FBH1: variants seen among roughly 807,000 people sequenced by gnomAD.
FBH1 encodes DNA 3'-5' helicase 1.
In FBH1, 43 loss-of-function variants were observed where a neutral mutation model predicts 115.5. The observed-to-expected ratio is 0.37, with a 90% CI of 0.29 to 0.48. FBH1 has a LOEUF of 0.48. FBH1 is among the 20% of genes least tolerant of loss of function. The pLI, the probability that FBH1 is intolerant of heterozygous loss-of-function variation, is 0.99. For synonymous variants in FBH1, 524 were observed against 507.8 expected (o/e 1.03, Z -0.43); for missense variants, 1,001 against 1,337.3 (o/e 0.75, Z 3.92).
At position 5,936,234 on chromosome 10, in the gene FBH1, T is replaced by C. The variant is rs1281851926; in HGVS notation, c.2830-222T>C. On this transcript the variant is annotated intron_variant, in intron 19 of 20. Coordinates refer to ENST00000362091, the MANE Select transcript of FBH1 (RefSeq NM_178150.3). The surrounding 1 kb of genome is among the most constrained non-coding windows in gnomAD (Gnocchi z 5.6). ...GTTTTGCATGTTTATCTGTTAAATA[T>C]ATATATATTTAAAAAGCAATTGGAC... 2.8e-6 allele frequency: 1 copy of C among 355,154 alleles called. No homozygotes were observed. The highest frequency in any genetic ancestry group is 5.4e-6 in the Non-Finnish European group (1 of 186,840). The allele number at this position is 355,154 out of a possible 1,614,324, so 22.0% of individuals were successfully genotyped here. A position where few individuals can be genotyped will look rare whatever the true frequency, so the allele number is the denominator to read the frequency against.
In FBH1 at chr10:5,909,490, G is replaced by A; in HGVS notation, c.1020+196G>A. 1.8e-6 allele frequency: 1 copy of A among 561,106 alleles called. No homozygotes were observed. The highest frequency in any genetic ancestry group is 2.9e-6 in the Non-Finnish European group (1 of 341,408). The allele number at this position is 561,106 out of a possible 1,614,324, so 34.8% of individuals were successfully genotyped here. A position where few individuals can be genotyped will look rare whatever the true frequency, so the allele number is the denominator to read the frequency against. ...GCCATATAATTGTAGAGTCTTAGAT[G>A]TAGATGAAATTTTAACAAATCATTT... On this transcript the variant is annotated intron_variant, in intron 5 of 20. Coordinates refer to ENST00000362091, the MANE Select transcript of FBH1 (RefSeq NM_178150.3). This position sits in a 1 kb window ranked among gnomAD's most constrained non-coding sequence, Gnocchi z 4.4.
chr10:5,910,934 G>C lies in FBH1; in HGVS notation c.1021-4G>C. ...CCCTCCCTCCCTGTGCACCTGGCTT[G>C]CAGGGTGTCAACATCTGGGCCCTGG... On this transcript the variant is annotated splice_region_variant and splice_polypyrimidine_tract_variant and intron_variant, in intron 5 of 20. Coordinates refer to ENST00000362091, the MANE Select transcript of FBH1 (RefSeq NM_178150.3). This position sits in a 1 kb window ranked among gnomAD's most constrained non-coding sequence, Gnocchi z 4.8. 4 of 1,607,026 alleles carry C rather than the reference G, an allele frequency of 2.5e-6. No homozygotes were observed. The highest frequency in any genetic ancestry group is 3.4e-6 in the Non-Finnish European group (4 of 1,178,384).
In FBH1 at chr10:5,936,149, G is replaced by A. The variant is rs1833326109; in HGVS notation, c.2830-307G>A. The A allele has an allele frequency of 5.0e-6, 1 of 201,796 alleles. No individual in the cohort carries two copies. The highest frequency in any genetic ancestry group is 2.3e-5 in the African/African-American group (1 of 44,148). 12.5% of individuals were successfully genotyped at this position (201,796 alleles called of 1,614,324 possible). A position where few individuals can be genotyped will look rare whatever the true frequency, so the allele number is the denominator to read the frequency against. On this transcript the variant is annotated intron_variant, in intron 19 of 20. Transcript: ENST00000362091. This position sits in a 1 kb window ranked among gnomAD's most constrained non-coding sequence, Gnocchi z 5.6. ...CAATAGTTTTCTGAAGATTGAGCTG[G>A]GGATACCTTAGCATAAAATAAAATC...
Position 5,925,193 on chromosome 10 carries a change from TC to T in FBH1, c.2597-171del. 1 of 758,742 alleles carries T rather than the reference TC, an allele frequency of 1.3e-6. No individual in the cohort carries two copies. The allele number at this position is 758,742 out of a possible 1,614,324, so 47.0% of individuals were successfully genotyped here. ...CCCCTCGTCTTTTTCTTTTTTCTGT[TC>T]CCGACAGTTGTCTGTTCCCGACAGT... On this transcript the variant is annotated intron_variant, in intron 17 of 20. Coordinates refer to ENST00000362091, the MANE Select transcript of FBH1 (RefSeq NM_178150.3). This position sits in a 1 kb window ranked among gnomAD's most constrained non-coding sequence, Gnocchi z 4.6.
chr10:5,890,781 C>T (rs984397757), intron 1 of FBH1, among the ~76,000 whole-genome samples: 7 of 152,012 alleles, frequency 4.6e-5, no homozygotes, highest in African/African-American at 1.5e-4. Context: ...TCTGCCCCTC[C>T]TCTGAGCATG....
chr10:5,903,393 C>T (rs1293233669), intron 2 of FBH1, among the ~76,000 whole-genome samples: 3 of 150,504 alleles, frequency 2.0e-5, no homozygotes, highest in African/African-American at 7.4e-5. Context: ...TGCAATGGCG[C>T]AATCTCGGCT....
Position 5,910,998 on chromosome 10 carries a change from A to G in FBH1, c.1081A>G (p.Ile361Val), listed in dbSNP as rs1253319149. ...GCTCCTCTCCAGCAGTGTGAATGACATCCAGCGACTGCTCTTCTGCCTCCG... is the reference window on the plus strand; with the variant it reads ...GCTCCTCTCCAGCAGTGTGAATGACGTCCAGCGACTGCTCTTCTGCCTCCG... Reference protein sequence around the residue: ...VVLLSSSVNDIQRLLFCLRRP... With the variant: ...VVLLSSSVNDVQRLLFCLRRP... Residue 361 changes from isoleucine to valine, a missense_variant, in exon 6 of 21, where the codon ATC (isoleucine) becomes GTC (valine). Ile to Val is a conservative substitution (Grantham distance 29). Transcript: ENST00000362091. The surrounding 1 kb of genome is among the most constrained non-coding windows in gnomAD (Gnocchi z 4.8). 1 of 1,612,590 alleles carries G rather than the reference A, an allele frequency of 6.2e-7. No homozygotes were observed. The highest frequency in any genetic ancestry group is 1.7e-5 in the Admixed American group (1 of 60,014).
intron 1 of FBH1, among the ~76,000 whole-genome samples, chr10:5,901,236 G>A (rs560775841): frequency 6.6e-6 from 1 of 151,560 alleles, no homozygotes; most frequent in East Asian, 2.0e-4. Context: ...GCAATGGTGC[G>A]ACCTCGGCTC....
Position 5,910,328 on chromosome 10 carries a change from G to C in FBH1, c.1021-610G>C, listed in dbSNP as rs1831501063. 6.6e-6 allele frequency among the ~76,000 whole-genome samples: 1 copy of C among 151,840 alleles called. No individual in the cohort carries two copies. Among genetic ancestry groups the C allele is most frequent in the South Asian group, 2.1e-4 (1 of 4,814 alleles). ...TCTGTGTCCACTATTGACTGTTTCT[G>C]TGTAAGCGAACATTTACAGAGACAT... is the stretch of plus-strand genomic sequence containing the variant. On this transcript the variant is annotated intron_variant, in intron 5 of 20. Transcript: ENST00000362091. The surrounding 1 kb of genome is among the most constrained non-coding windows in gnomAD (Gnocchi z 4.8).
rs138561410 is a variant in FBH1 at position 5,935,495 on chromosome 10, C to T, written c.2830-961C>T. 1 of 152,250 alleles carries T rather than the reference C, an allele frequency of 6.6e-6. No individual in the cohort carries two copies. Among genetic ancestry groups the T allele is most frequent in the African/African-American group, 2.4e-5 (1 of 41,546 alleles). 9.4% of individuals were successfully genotyped at this position (152,250 alleles called of 1,614,324 possible). The stretch of plus-strand genomic sequence containing the variant: ...CAGGTTCATGGTCTTGGCTGTCTCT[C>T]GGGAAGGAAATTGAGATGACAGTCC... On this transcript the variant is annotated intron_variant, in intron 19 of 20. Coordinates refer to ENST00000362091, the MANE Select transcript of FBH1 (RefSeq NM_178150.3). This position sits in a 1 kb window ranked among gnomAD's most constrained non-coding sequence, Gnocchi z 5.2.
chr10:5,889,976 G>A (rs116838509), upstream of FBH1: 3,571 of 204,908 alleles, frequency 0.017, 97 homozygotes, highest in African/African-American at 0.067. Flanking sequence ...CGGGGACTCG[G>A]GGAGCTCGAA....
intron 1 of FBH1, chr10:5,894,641 C>A: frequency 1.4e-6 from 1 of 713,642 alleles, no homozygotes; most frequent in Non-Finnish European, 2.6e-6. Flanking sequence ...TTGAGAGCTT[C>A]AAAGCCAAGG....
At position 5,921,119 on chromosome 10, in the gene FBH1, C is replaced by G. The variant is rs888684442; in HGVS notation, c.2101-139C>G. ...AGTTGTGAAGGACCTTGAAAGTGAGCCTGTGAAGTTCGCTTTCCATGCGGG... is the reference window on the plus strand; with the variant it reads ...AGTTGTGAAGGACCTTGAAAGTGAGGCTGTGAAGTTCGCTTTCCATGCGGG... On this transcript the variant is annotated intron_variant, in intron 13 of 20. Coordinates refer to ENST00000362091, the MANE Select transcript of FBH1 (RefSeq NM_178150.3). The surrounding 1 kb of genome is among the most constrained non-coding windows in gnomAD (Gnocchi z 6.4). 6 of 655,538 alleles carry G rather than the reference C, an allele frequency of 9.2e-6. No homozygotes were observed. The East Asian group carries it at 1.1e-4, about 12-fold the overall frequency. 40.6% of individuals were successfully genotyped at this position (655,538 alleles called of 1,614,324 possible).
At position 5,925,195 on chromosome 10, in the gene FBH1, C is replaced by T. The variant is rs2669126; in HGVS notation, c.2597-172C>T. On this transcript the variant is annotated intron_variant, in intron 17 of 20. Coordinates refer to ENST00000362091, the MANE Select transcript of FBH1 (RefSeq NM_178150.3). The surrounding 1 kb of genome is among the most constrained non-coding windows in gnomAD (Gnocchi z 4.6). ...CCTCGTCTTTTTCTTTTTTCTGTTC[C>T]CGACAGTTGTCTGTTCCCGACAGTT... 304,161 of 762,048 alleles carry T rather than the reference C, an allele frequency of 0.4. 65,778 individuals are homozygous for T. The highest frequency in any genetic ancestry group is 0.73 in the East Asian group (25,534 of 35,016). 47.2% of individuals were successfully genotyped at this position (762,048 alleles called of 1,614,324 possible). A position where few individuals can be genotyped will look rare whatever the true frequency, so the allele number is the denominator to read the frequency against.
At position 5,931,278 on chromosome 10, in the gene FBH1, C is replaced by A. The variant is rs117426397; in HGVS notation, c.2829+3737C>A. On this transcript the variant is annotated intron_variant, in intron 19 of 20. Transcript: ENST00000362091. The surrounding 1 kb of genome is among the most constrained non-coding windows in gnomAD (Gnocchi z 4.3). ...TACCTTGCTTTGTTGCACAACGGCA[C>A]CTTTTTCTTTTTTCTTTTTAACCAG... Among the ~76,000 whole-genome samples the A allele has an allele frequency of 1.3e-5, 2 of 152,174 alleles. No homozygotes were observed. The highest frequency in any genetic ancestry group is 2.9e-5 in the Non-Finnish European group (2 of 68,028).
chr10:5,920,289 G>A (rs1027307129), intron 13 of FBH1, among the ~76,000 whole-genome samples: 2 of 152,262 alleles, frequency 1.3e-5, no homozygotes, highest in Non-Finnish European at 2.9e-5. Context: ...ATCACATGGT[G>A]TTGAGGTGCA....
Position 5,917,543 on chromosome 10 carries a change from G to A in FBH1, c.1876+36G>A. On this transcript the variant is annotated intron_variant, in intron 11 of 20. Transcript: ENST00000362091. The surrounding 1 kb of genome is among the most constrained non-coding windows in gnomAD (Gnocchi z 5.6). ...GCCGAATGGCGGGGACTGGCCAATG[G>A]GACTGCCTTCCTGGCGTTACAACTC... is the stretch of plus-strand genomic sequence containing the variant. 1 of 1,613,382 alleles carries A rather than the reference G, an allele frequency of 6.2e-7. No homozygotes were observed. The highest frequency in any genetic ancestry group is 1.6e-4 in the Middle Eastern group (1 of 6,062).
intron 1 of FBH1, 84 bp downstream of exon 1, chr10:5,890,430 G>T (rs1842634264): frequency 1.1e-5 from 4 of 352,060 alleles, no homozygotes; most frequent in South Asian, 1.4e-4. Context: ...CTGCGCGGGG[G>T]GTCCGGGCCC....
Position 5,913,684 on chromosome 10 carries a change from A to C in FBH1, c.1212-63A>C. On this transcript the variant is annotated intron_variant, in intron 6 of 20. Coordinates refer to ENST00000362091, the MANE Select transcript of FBH1 (RefSeq NM_178150.3). This position sits in a 1 kb window ranked among gnomAD's most constrained non-coding sequence, Gnocchi z 4.4. The stretch of plus-strand genomic sequence containing the variant: ...GAAGGAGTTTAAATCCATCTGAGGA[A>C]AAATAAGATGCAGATTGTGACTTGA... 8.4e-7 allele frequency: 1 copy of C among 1,186,740 alleles called. No homozygotes were observed. The highest frequency in any genetic ancestry group is 1.2e-6 in the Non-Finnish European group (1 of 850,508). The allele number at this position is 1,186,740 out of a possible 1,614,324, so 73.5% of individuals were successfully genotyped here.
Sources: allele counts gnomAD v4.1 joint callset (sites outside exome capture counted in the v4.1 genomes callset), GRCh38; gene constraint gnomAD v4.1.1; non-coding constraint Gnocchi (gnomAD v3.1); transcripts MANE v1.5; gene names NCBI Gene and HGNC (gene_info 2026-07-23, HGNC 2026-07-21).